CAMKMT: variants seen among roughly 807,000 people sequenced by gnomAD.
CAMKMT encodes calmodulin-lysine N-methyltransferase.
A neutral mutation model predicts 48.0 loss-of-function variants in CAMKMT; 53 were observed. That is an observed-to-expected ratio of 1.10 (90% confidence interval 0.89 to 1.39). The LOEUF (loss-of-function observed/expected upper bound fraction) is 1.39, where lower values mean the gene tolerates loss of function less well. Among genes scored for constraint, CAMKMT ranks in the 40% most tolerant of loss-of-function variants. The pLI, the probability that CAMKMT is intolerant of heterozygous loss-of-function variation, is 0.00. For missense variants in CAMKMT, 428 were observed against 402.7 expected (o/e 1.06, Z -0.54); for synonymous variants, 165 against 152.3 (o/e 1.08, Z -0.61).
intron 4 of CAMKMT, 106 bp from the exon 5 acceptor site, chr2:44,706,181 G>A: frequency 9.5e-7 from 1 of 1,051,962 alleles, no homozygotes; most frequent in South Asian, 1.3e-5. Context: ...CTTCCTGGTA[G>A]CGCCGTTCTT....
At position 44,387,396 on chromosome 2, in the gene CAMKMT, G is replaced by T. The variant is rs375695524; in HGVS notation, c.312-2845G>T. 8.5e-5 allele frequency among the ~76,000 whole-genome samples: 13 copies of T among 152,198 alleles called. No individual in the cohort carries two copies. The South Asian group carries it at 2.7e-3, about 31-fold the overall frequency. On this transcript the variant is annotated intron_variant, in intron 2 of 10. Transcript: ENST00000378494. ...CTTTTTCCACCCCTTTAAGTTAAGT[G>T]TGAGTCCTTATGTGTTAGATGAGTC...
At chr2:44,766,623 G>A (rs1680853418) in intron 10 of CAMKMT, 62 bp downstream of exon 10, 2 of 1,580,320 alleles carry the variant, frequency 1.3e-6, no homozygotes, top group Non-Finnish European at 1.7e-6. Context: ...AGAGATCATG[G>A]TCTTTTTGGC....
chr2:44,586,785 T>C (rs1002469344), intron 3 of CAMKMT, among the ~76,000 whole-genome samples: 1 of 152,214 alleles, frequency 6.6e-6, no homozygotes, highest in Non-Finnish European at 1.5e-5. Flanking sequence ...GTAGAATCTT[T>C]TATTTAGACA....
intron 3 of CAMKMT, among the ~76,000 whole-genome samples, chr2:44,450,221 T>C (rs916137061): frequency 6.6e-6 from 1 of 152,148 alleles, no homozygotes; most frequent in African/African-American, 2.4e-5. Flanking sequence ...TGACTTACAC[T>C]GCGTCTCACT....
intron 3 of CAMKMT, among the ~76,000 whole-genome samples, chr2:44,503,555 G>A (rs146284190): frequency 1.2e-4 from 19 of 152,238 alleles, no homozygotes; most frequent in African/African-American, 3.6e-4. Flanking sequence ...AAAGGGAAGA[G>A]GACCTTTGAG....
intron 3 of CAMKMT, among the ~76,000 whole-genome samples, chr2:44,559,549 A>AT (rs1668212638): frequency 8.7e-6 from 1 of 114,356 alleles, no homozygotes; most frequent in South Asian, 3.0e-4. Context: ...TTACATAACC[A>AT]CTTTTTTTTT....
intron 3 of CAMKMT, among the ~76,000 whole-genome samples, chr2:44,419,450 C>T (rs1445627901): frequency 6.6e-6 from 1 of 152,190 alleles, no homozygotes; most frequent in Non-Finnish European, 1.5e-5. Context: ...CCTATTCCCC[C>T]ATCTGGAAGA....
intron 3 of CAMKMT, among the ~76,000 whole-genome samples, chr2:44,686,954 A>G (rs957949770): frequency 1.6e-4 from 24 of 152,208 alleles, no homozygotes; most frequent in Non-Finnish European, 7.4e-5. Context: ...TAAAGTTTGT[A>G]TTTTCTATTA....
intron 10 of CAMKMT, among the ~76,000 whole-genome samples, chr2:44,768,361 A>ATATATATATATATATATATTTTTTT (rs35058824): frequency 1.1e-4 from 13 of 115,716 alleles, no homozygotes; most frequent in African/African-American, 4.8e-4. Flanking sequence ...ATATATATAT[A>ATATATATATATATATATATTTTTTT]TTTTTTTTTT....
intron 3 of CAMKMT, among the ~76,000 whole-genome samples, chr2:44,466,631 C>T (rs920662588): frequency 6.6e-6 from 1 of 151,676 alleles, no homozygotes; most frequent in Non-Finnish European, 1.5e-5. Flanking sequence ...AAACTAATCC[C>T]GAAGCTAGTA....
intron 2 of CAMKMT, among the ~76,000 whole-genome samples, chr2:44,380,167 C>T (rs1165895432): frequency 6.6e-6 from 1 of 151,994 alleles, no homozygotes; most frequent in Non-Finnish European, 1.5e-5. Context: ...TTCCTCAGTC[C>T]TTACTCAGCA....
intron 3 of CAMKMT, among the ~76,000 whole-genome samples, chr2:44,684,256 C>T (rs1035389903): frequency 6.6e-6 from 1 of 152,214 alleles, no homozygotes; most frequent in African/African-American, 2.4e-5. Context: ...GCACTTTGAT[C>T]TCAACTTAAG....
intron 3 of CAMKMT, among the ~76,000 whole-genome samples, chr2:44,554,957 A>G (rs1293035531): frequency 6.6e-6 from 1 of 152,146 alleles, no homozygotes; most frequent in African/African-American, 2.4e-5. Context: ...ATGAATAGGA[A>G]TTAACCAGAT....
chr2:44,572,871 C>T (rs558172246), intron 3 of CAMKMT, among the ~76,000 whole-genome samples: 6 of 152,306 alleles, frequency 3.9e-5, no homozygotes, highest in South Asian at 4.1e-4. Context: ...GTGTTTTCCA[C>T]GGTGGCTACA....
chr2:44,422,280 G>A (rs1683984736), intron 3 of CAMKMT, among the ~76,000 whole-genome samples: 1 of 152,228 alleles, frequency 6.6e-6, no homozygotes, highest in South Asian at 2.1e-4. Context: ...ACAGCCTGTA[G>A]AACTGTGAGC....
At chr2:44,572,441 TG>T (rs1668962377) in intron 3 of CAMKMT, among the ~76,000 whole-genome samples, 1 of 152,226 alleles carries the variant, frequency 6.6e-6, no homozygotes, top group Admixed American at 6.5e-5. Context: ...TCATCTGTGT[TG>T]TAACGTGTCA....
chr2:44,551,785 GTCACT>G (rs1182780326), intron 3 of CAMKMT, among the ~76,000 whole-genome samples: 3 of 152,030 alleles, frequency 2.0e-5, no homozygotes, highest in African/African-American at 7.2e-5. Flanking sequence ...TTTTGTACAT[GTCACT>G]TCACTTCATC....
At chr2:44,573,703 A>G (rs1467277906) in intron 3 of CAMKMT, among the ~76,000 whole-genome samples, 1 of 152,138 alleles carries the variant, frequency 6.6e-6, no homozygotes, top group Non-Finnish European at 1.5e-5. Context: ...TTTTTTAAAC[A>G]TTTGGTTCTA....
chr2:44,559,008 A>ATAGTTAG (rs200820490), intron 3 of CAMKMT, among the ~76,000 whole-genome samples: 54 of 150,080 alleles, frequency 3.6e-4, no homozygotes, highest in African/African-American at 1.3e-3. Flanking sequence ...TAGATAGATA[A>ATAGTTAG]ACAGACAGAC....
Sources: allele counts gnomAD v4.1 joint callset (sites outside exome capture counted in the v4.1 genomes callset), GRCh38; gene constraint gnomAD v4.1.1; transcripts MANE v1.5; gene names NCBI Gene and HGNC (gene_info 2026-07-23, HGNC 2026-07-21).